SPAG16: variants seen among roughly 807,000 people sequenced by gnomAD.
The protein encoded by SPAG16 is sperm associated antigen 16.
SPAG16 carries 86 observed loss-of-function variants against 80.4 expected under a neutral mutation model. The ratio of observed to expected loss-of-function variants is 1.07; its 90% confidence interval spans 0.90 to 1.28. The LOEUF is 1.28. Ranked by LOEUF, SPAG16 falls within the 50% of genes most tolerant of loss-of-function variation. The pLI, the probability that SPAG16 is intolerant of heterozygous loss-of-function variation, is 0.00. For synonymous variants in SPAG16, 294 were observed against 265.9 expected (o/e 1.11, Z -1.03); for missense variants, 870 against 765.3 (o/e 1.14, Z -1.61).
chr2:213,528,083 T>A (rs1180527973), intron 10 of SPAG16, among the ~76,000 whole-genome samples: 1 of 152,096 alleles, frequency 6.6e-6, no homozygotes, highest in Non-Finnish European at 1.5e-5. Context: ...TTTGAAAATA[T>A]AACAGAAGAG....
chr2:213,901,609 A>G (rs116036608), intron 11 of SPAG16, among the ~76,000 whole-genome samples: 6,359 of 152,230 alleles, frequency 0.042, 164 homozygotes, highest in East Asian at 0.083. Flanking sequence ...TATTTAGTCC[A>G]AAGAAAACAT....
intron 13 of SPAG16, among the ~76,000 whole-genome samples, chr2:214,055,768 A>G (rs2049904734): frequency 6.6e-6 from 1 of 152,210 alleles, no homozygotes; most frequent in South Asian, 2.1e-4. Context: ...AACCAACTTA[A>G]TAAATGACTT....
At chr2:213,779,390 T>A (rs532879622) in intron 10 of SPAG16, among the ~76,000 whole-genome samples, 90 of 152,304 alleles carry the variant, frequency 5.9e-4, no homozygotes, top group African/African-American at 8.7e-4. Context: ...TTAAAAATTT[T>A]AAAAAAATTG....
chr2:214,142,700 G>A (rs753694134), intron 14 of SPAG16, among the ~76,000 whole-genome samples: 6 of 152,252 alleles, frequency 3.9e-5, no homozygotes, highest in Middle Eastern at 3.4e-3. Context: ...GGTCCAGGTG[G>A]CAAGACTGTG....
At chr2:213,348,990 C>G (rs1264619907) in intron 6 of SPAG16, among the ~76,000 whole-genome samples, 2 of 152,138 alleles carry the variant, frequency 1.3e-5, no homozygotes, top group Non-Finnish European at 2.9e-5. Context: ...CTATACATTT[C>G]AAAGGATGGA....
chr2:214,341,490 G>A (rs985176405), intron 15 of SPAG16, among the ~76,000 whole-genome samples: 2 of 152,132 alleles, frequency 1.3e-5, no homozygotes, highest in African/African-American at 4.8e-5. Context: ...AGTCTGCAGA[G>A]AAGGAAACTT....
intron 8 of SPAG16, among the ~76,000 whole-genome samples, chr2:213,367,799 C>A (rs1207696991): frequency 6.8e-6 from 1 of 146,382 alleles, no homozygotes; most frequent in African/African-American, 2.5e-5. Flanking sequence ...TAATTAGATC[C>A]CATTTGTCAA....
chr2:213,548,220 CT>C (rs1349499389), intron 10 of SPAG16, among the ~76,000 whole-genome samples: 1 of 151,272 alleles, frequency 6.6e-6, no homozygotes, highest in South Asian at 2.1e-4. Context: ...TTCCTTACAG[CT>C]TTTTTTTTCG....
chr2:214,108,064 T>C, intron 13 of SPAG16, 132 bp from the exon 14 acceptor site: 1 of 635,160 alleles, frequency 1.6e-6, no homozygotes, highest in Non-Finnish European at 2.7e-6. Context: ...AAGCTAGAAT[T>C]TTCTATGGTG....
intron 12 of SPAG16, among the ~76,000 whole-genome samples, chr2:213,967,534 T>C (rs2106369462): frequency 6.6e-6 from 1 of 152,306 alleles, no homozygotes; most frequent in Admixed American, 6.5e-5. Context: ...AGACTCTCTT[T>C]ATTTGTGAGT....
At chr2:214,151,530 T>C (rs1224594715) in intron 15 of SPAG16, among the ~76,000 whole-genome samples, 14 of 152,118 alleles carry the variant, frequency 9.2e-5, no homozygotes, top group Admixed American at 9.2e-4. Context: ...AAAATACACA[T>C]TCATTTGAAT....
intron 11 of SPAG16, among the ~76,000 whole-genome samples, chr2:213,876,250 C>T (rs114702482): frequency 0.01 from 1,462 of 145,758 alleles, 33 homozygotes; most frequent in African/African-American, 0.036. Context: ...TCAAGGATAG[C>T]TAATTGGCTA....
intron 10 of SPAG16, among the ~76,000 whole-genome samples, chr2:213,727,499 AG>A (rs2066823363): frequency 6.6e-6 from 1 of 152,214 alleles, no homozygotes; most frequent in Non-Finnish European, 1.5e-5. Context: ...ACAGGAAGCC[AG>A]TGAAAGGGTG....
chr2:213,673,913 C>T (rs1559364050), intron 10 of SPAG16, among the ~76,000 whole-genome samples: 1 of 152,042 alleles, frequency 6.6e-6, no homozygotes, highest in Non-Finnish European at 1.5e-5. Flanking sequence ...TCTCATGTTA[C>T]AGTACATTCA....
At chr2:213,479,094 C>CTTTTT (rs148476714) in intron 9 of SPAG16, among the ~76,000 whole-genome samples, 46 of 94,346 alleles carry the variant, frequency 4.9e-4, no homozygotes, top group East Asian at 6.4e-4. Context: ...CACTGGCTTC[C>CTTTTT]TTTTTTTTTT....
intron 11 of SPAG16, among the ~76,000 whole-genome samples, chr2:213,920,280 A>C (rs1043526967): frequency 6.6e-6 from 1 of 152,190 alleles, no homozygotes; most frequent in African/African-American, 2.4e-5. Flanking sequence ...TAGCCCATTT[A>C]CATTTAAAGT....
rs1261630507 is a variant in SPAG16, at chr2:213,327,124, C to T, written c.536+9768C>T. The stretch of plus-strand genomic sequence containing the variant: ...AAATAGAATGTTCCACTGAGTAACT[C>T]TTAACAGCGTTGTACTTGAAACAAT... On this transcript the variant is annotated intron_variant, in intron 5 of 15. Coordinates refer to ENST00000331683, the MANE Select transcript of SPAG16 (RefSeq NM_024532.5). Among the ~76,000 whole-genome samples, 30 of 148,388 alleles carry T rather than the reference C, an allele frequency of 2.0e-4. No homozygotes were observed. The Admixed American group carries it at 2.0e-3, about 10-fold the overall frequency.
At chr2:213,346,220 C>T (rs545386162) in intron 6 of SPAG16, among the ~76,000 whole-genome samples, 31 of 152,220 alleles carry the variant, frequency 2.0e-4, no homozygotes, top group African/African-American at 7.5e-4. Context: ...GTGATTTTTG[C>T]ACATTGATTT....
intron 5 of SPAG16, among the ~76,000 whole-genome samples, chr2:213,338,797 G>C (rs2124942178): frequency 6.6e-6 from 1 of 152,272 alleles, no homozygotes; most frequent in South Asian, 2.1e-4. Flanking sequence ...TCACTTATAA[G>C]TGGGAGCTGA....
Sources: gnomAD v4.1 joint callset for allele counts (sites outside exome capture counted in the v4.1 genomes callset) on GRCh38, gnomAD v4.1.1 for gene constraint, MANE v1.5 for transcripts, NCBI Gene and HGNC (gene_info 2026-07-23, HGNC 2026-07-21) for gene names.